The following SCAF8 variants were observed in gnomAD, a reference collection of about 807,000 sequenced individuals.
The protein encoded by SCAF8 is SR-related CTD associated factor 8.
Under a neutral mutation model 140.5 loss-of-function variants are expected in SCAF8, and 23 were observed. The ratio of observed to expected loss-of-function variants is 0.16; its 90% CI spans 0.12 to 0.23. The LOEUF (loss-of-function observed/expected upper bound fraction) is 0.23. SCAF8 is among the 10% of genes least tolerant of loss of function. SCAF8 has a pLI of 1.00. For missense variants in SCAF8, 1,397 were observed against 1,555.7 expected, an observed-to-expected ratio of 0.90 and a Z score of 1.72; for synonymous variants, 575 against 528.9, an observed-to-expected ratio of 1.09 and a Z score of -1.20.
intron 1 of SCAF8, among the ~76,000 whole-genome samples, chr6:154,744,342 T>G (rs1464327197): frequency 6.6e-6 from 1 of 152,062 alleles, no homozygotes. Flanking sequence ...TCAAAACATC[T>G]TATGTACACA....
chr6:154,752,574 C>T (rs1583002943), intron 1 of SCAF8, among the ~76,000 whole-genome samples: 1 of 151,960 alleles, frequency 6.6e-6, no homozygotes, highest in East Asian at 1.9e-4. Flanking sequence ...AAAGTATCTT[C>T]ATATTATAAC....
At chr6:154,805,690 TC>T (rs1297834140) in intron 9 of SCAF8, among the ~76,000 whole-genome samples, 1 of 152,202 alleles carries the variant, frequency 6.6e-6, no homozygotes, top group East Asian at 1.9e-4. Flanking sequence ...ACCATTTTTT[TC>T]AGGACCTTTA....
chr6:154,755,521 G>C (rs556125586), intron 1 of SCAF8, among the ~76,000 whole-genome samples: 1 of 152,282 alleles, frequency 6.6e-6, no homozygotes, highest in African/African-American at 2.4e-5. Context: ...AAAGTGCTGG[G>C]ATGCCTGACC....
intron 3 of SCAF8, among the ~76,000 whole-genome samples, chr6:154,785,991 A>ATGCCATATGCCG: frequency 6.6e-6 from 1 of 152,320 alleles, no homozygotes; most frequent in South Asian, 2.1e-4. Flanking sequence ...ATGCCATTGT[A>ATGCCATATGCCG]TAACTGCCCA....
chr6:154,822,402 T>C lies in SCAF8; in HGVS notation c.1919T>C (p.Met640Thr), dbSNP rs762112014. ...GAGGTTTTCCCTCCTCCTGTTGCTA[T>C]GTTGCAGGTTAGTGTTGAAGTGGGG... ...QAEVFPPPVA[M>T]LQIPVAPAVP... is the part of the protein sequence containing the mutation. The change falls in exon 16 of 20, where the codon ATG becomes ACG. Residue 640 changes from methionine (M) to threonine (T), a missense_variant. Met to Thr is a moderately conservative substitution (Grantham distance 81). Around this residue, in one of 5 missense-constraint regions of SCAF8, gnomAD observed 930 missense variants for 874.6 expected, o/e 1.06. Coordinates refer to ENST00000367178, the MANE Select transcript of SCAF8 (RefSeq NM_014892.5). 6.2e-7 allele frequency: 1 copy of C among 1,608,254 alleles called. No homozygotes were observed. The highest frequency in any genetic ancestry group is 8.5e-7 in the Non-Finnish European group (1 of 1,178,178).
intron 1 of SCAF8, among the ~76,000 whole-genome samples, chr6:154,736,587 A>C (rs1778428244): frequency 1.3e-5 from 2 of 152,290 alleles, no homozygotes; most frequent in South Asian, 4.2e-4. Context: ...ATGACGTTTT[A>C]AACAGTAGCT....
At chr6:154,827,844 G>A (rs545635447) in intron 18 of SCAF8, among the ~76,000 whole-genome samples, 2,447 of 148,856 alleles carry the variant, frequency 0.016, 72 homozygotes, top group Middle Eastern at 0.045. Context: ...CGGGGGGGGG[G>A]GCGGTGTAAA....
At chr6:154,745,687 A>G (rs753356969) in intron 1 of SCAF8, among the ~76,000 whole-genome samples, 12 of 152,042 alleles carry the variant, frequency 7.9e-5, no homozygotes, top group South Asian at 2.1e-4. Context: ...CTTTGATGCA[A>G]ATACCTTGCT....
chr6:154,771,444 G>A (rs1776764189), intron 1 of SCAF8, among the ~76,000 whole-genome samples: 1 of 152,206 alleles, frequency 6.6e-6, no homozygotes, highest in Non-Finnish European at 1.5e-5. Context: ...GGACAATAGT[G>A]TAAGATGAGG....
At chr6:154,802,906 A>G (rs186791928) in intron 7 of SCAF8, among the ~76,000 whole-genome samples, 25 of 152,300 alleles carry the variant, frequency 1.6e-4, no homozygotes, top group Non-Finnish European at 3.2e-4. Flanking sequence ...CTAAATTATT[A>G]ATAATTAAAG....
In SCAF8 at chr6:154,832,640, A is replaced by G. The variant is rs568823608; in HGVS notation, c.3061A>G (p.Ile1021Val). Residue 1021 changes from isoleucine to valine, a missense_variant, in exon 20 of 20, where the codon ATA becomes GTA. By Grantham distance (29) the Ile-to-Val change is conservative (BLOSUM62 3). Around this residue, in one of 5 missense-constraint regions of SCAF8, gnomAD observed 930 missense variants for 874.6 expected, o/e 1.06. Coordinates refer to ENST00000367178, the MANE Select transcript of SCAF8 (RefSeq NM_014892.5). ...EGDRDYRFPP[I>V]ETRESISRPP... Reference sequence around the variant, plus strand: ...AGATAGAGATTACCGGTTTCCTCCTATAGAAACCAGGGAAAGCATTAGTAG... The same window carrying G: ...AGATAGAGATTACCGGTTTCCTCCTGTAGAAACCAGGGAAAGCATTAGTAG... 6.8e-6 allele frequency: 11 copies of G among 1,614,048 alleles called. No individual in the cohort carries two copies. Among genetic ancestry groups the G allele is most frequent in the South Asian group, 2.2e-5 (2 of 91,076 alleles).
At chr6:154,796,533 T>TA (rs774312604) in intron 6 of SCAF8, among the ~76,000 whole-genome samples, 1 of 152,212 alleles carries the variant, frequency 6.6e-6, no homozygotes, top group Non-Finnish European at 1.5e-5. Flanking sequence ...GATGGGTTCC[T>TA]AGTTTTTATC....
chr6:154,796,875 G>C (rs1777623322), intron 6 of SCAF8, among the ~76,000 whole-genome samples: 1 of 152,012 alleles, frequency 6.6e-6, no homozygotes, highest in African/African-American at 2.4e-5. Context: ...AGGAGGCTGA[G>C]GCAGGAGAAT....
At chr6:154,757,393 GAA>G (rs1778994210) in intron 1 of SCAF8, among the ~76,000 whole-genome samples, 1 of 152,212 alleles carries the variant, frequency 6.6e-6, no homozygotes, top group African/African-American at 2.4e-5. Flanking sequence ...AAAATTAAGA[GAA>G]ATTTATATCA....
Position 154,827,154 on chromosome 6 carries a change from G to GT in SCAF8, c.2072-9dup, listed in dbSNP as rs200266208. The stretch of plus-strand genomic sequence containing the variant: ...AATTTTTCTTGTGCTATTTTTTGGG[G>GT]TTTTTTTTTCTGTCTAGGTTTCATG... On this transcript the variant is annotated splice_polypyrimidine_tract_variant and intron_variant, in intron 17 of 19. Coordinates refer to ENST00000367178, the MANE Select transcript of SCAF8 (RefSeq NM_014892.5). 2.3e-3 allele frequency: 3,463 copies of GT among 1,522,124 alleles called. 7 individuals are homozygous for GT. The highest frequency in any genetic ancestry group is 9.0e-3 in the African/African-American group (643 of 71,200). 94.3% of individuals were successfully genotyped at this position (1,522,124 alleles called of 1,614,324 possible).
chr6:154,796,467 T>C (rs1319144925), intron 6 of SCAF8, among the ~76,000 whole-genome samples: 1 of 152,030 alleles, frequency 6.6e-6, no homozygotes, highest in Non-Finnish European at 1.5e-5. Context: ...GTAATTTTTG[T>C]TTTGCTTTGA....
At position 154,733,790 on chromosome 6, in the gene SCAF8, G is replaced by A. The variant is rs1778328286; in HGVS notation, c.-111G>A. 3 of 1,395,142 alleles carry A rather than the reference G, an allele frequency of 2.2e-6. No homozygotes were observed. The highest frequency in any genetic ancestry group is 3.3e-5 in the South Asian group (2 of 60,544). 86.4% of individuals were successfully genotyped at this position (1,395,142 alleles called of 1,614,324 possible). A position where few individuals can be genotyped will look rare whatever the true frequency, so the allele number is the denominator to read the frequency against. On this transcript the variant is annotated 5_prime_UTR_variant, in exon 1 of 20. Coordinates refer to ENST00000367178, the MANE Select transcript of SCAF8 (RefSeq NM_014892.5). ...CGAGGTCGCAGCGGCCCGCTCTCCC[G>A]CCAGCGCCCCCTCCTCGCGGCCACG...
intron 9 of SCAF8, among the ~76,000 whole-genome samples, chr6:154,806,314 G>T (rs891243511): frequency 1.3e-5 from 2 of 152,092 alleles, no homozygotes; most frequent in Non-Finnish European, 2.9e-5. Context: ...GTGAGAAATG[G>T]TTACGCATGT....
chr6:154,818,386 G>A (rs1367585473), intron 13 of SCAF8, 93 bp from the exon 14 acceptor site: 6 of 533,688 alleles, frequency 1.1e-5, no homozygotes, highest in Admixed American at 3.8e-5. Flanking sequence ...TGAAGTATTA[G>A]TAAGTAGTCA....
Sources: allele counts gnomAD v4.1 joint callset (sites outside exome capture counted in the v4.1 genomes callset), GRCh38; gene constraint gnomAD v4.1.1; regional missense constraint gnomAD v4.1.1; transcripts MANE v1.5; gene names NCBI Gene and HGNC (gene_info 2026-07-23, HGNC 2026-07-21).